The following PACS1 variants were observed in gnomAD, a reference collection of about 807,000 sequenced individuals.
PACS1 encodes PACS-1.
PACS1 carries 24 observed loss-of-function variants against 115.0 expected under a neutral mutation model. The ratio of observed to expected loss-of-function variants is 0.21; its 90% CI spans 0.15 to 0.29. PACS1 has a LOEUF of 0.29. Ranked by LOEUF, PACS1 falls within the 10% of genes least tolerant of loss-of-function variation. The pLI, the probability that PACS1 is intolerant of heterozygous loss-of-function variation, is 1.00. For synonymous variants in PACS1, 453 were observed against 504.5 expected (o/e 0.90, Z 1.37); for missense variants, 838 against 1,251.2 (o/e 0.67, Z 4.98).
At chr11:66,218,290 C>G (rs1238629323) in intron 7 of PACS1, 1 of 152,204 alleles carries the variant, frequency 6.6e-6, no homozygotes, top group Non-Finnish European at 1.5e-5. Flanking sequence ...CATACAACCA[C>G]AGGCTAAGCA....
chr11:66,202,327 A>G (rs1238439107), intron 2 of PACS1, among the ~76,000 whole-genome samples: 1 of 152,200 alleles, frequency 6.6e-6, no homozygotes, highest in Non-Finnish European at 1.5e-5. Context: ...GTTTCAAAAA[A>G]TAGAGAATAA....
At chr11:66,210,310 A>T in intron 2 of PACS1, 52 bp from the exon 3 acceptor site, 1 of 1,408,208 alleles carries the variant, frequency 7.1e-7, no homozygotes, top group Non-Finnish European at 1.0e-6. Context: ...TGCTGGGATT[A>T]CTGGCACAAG....
At chr11:66,134,917 A>G (rs916879072) in intron 1 of PACS1, among the ~76,000 whole-genome samples, 1 of 152,082 alleles carries the variant, frequency 6.6e-6, no homozygotes, top group African/African-American at 2.4e-5. Flanking sequence ...TACCTCAAAA[A>G]TATCTTATTT....
intron 1 of PACS1, among the ~76,000 whole-genome samples, chr11:66,129,558 C>T (rs1484433586): frequency 6.6e-6 from 1 of 151,626 alleles, no homozygotes; most frequent in Non-Finnish European, 1.5e-5. Context: ...GTGATCCACC[C>T]TCAGCCTCCC....
At chr11:66,123,189 C>CT (rs36008667) in intron 1 of PACS1, among the ~76,000 whole-genome samples, 126,497 of 137,810 alleles carry the variant, frequency 0.92, 58,316 homozygotes, top group South Asian at 0.98. Context: ...AAATTGTTAG[C>CT]TTTTTTTTTT....
intron 1 of PACS1, among the ~76,000 whole-genome samples, chr11:66,092,919 C>A (rs530317749): frequency 6.6e-6 from 1 of 152,242 alleles, no homozygotes; most frequent in East Asian, 1.9e-4. Context: ...GTTACTGTAG[C>A]CTTATAGTAT....
chr11:66,191,433 G>T (rs573017089), intron 1 of PACS1, among the ~76,000 whole-genome samples: 1 of 152,150 alleles, frequency 6.6e-6, no homozygotes, highest in Admixed American at 6.5e-5. Flanking sequence ...TCTGGGTGGT[G>T]GGGGCTGGGT....
chr11:66,207,598 C>T (rs1227113730), intron 2 of PACS1, among the ~76,000 whole-genome samples: 1 of 152,150 alleles, frequency 6.6e-6, no homozygotes, highest in Non-Finnish European at 1.5e-5. Flanking sequence ...TTGATGCATT[C>T]GGTCTTCAGT....
At chr11:66,215,905 T>TAATAATAAA (rs968033536) in intron 4 of PACS1, among the ~76,000 whole-genome samples, 19 of 15,416 alleles carry the variant, frequency 1.2e-3, no homozygotes, top group Non-Finnish European at 3.8e-3. Flanking sequence ...GTCTCAAAAA[T>TAATAATAAA]AATAATAATA....
At chr11:66,113,960 G>C (rs1289004223) in intron 1 of PACS1, among the ~76,000 whole-genome samples, 11 of 152,114 alleles carry the variant, frequency 7.2e-5, no homozygotes. Context: ...AAGCTCTTTT[G>C]CATCTCTCCA....
In PACS1 at chr11:66,210,275, G is replaced by A. The variant is rs547145845; in HGVS notation, c.445-87G>A. 104 of 969,536 alleles carry A rather than the reference G, an allele frequency of 1.1e-4. No homozygotes were observed. In the African/African-American group the frequency reaches 1.4e-3, roughly 13 times the overall value. 60.1% of individuals were successfully genotyped at this position (969,536 alleles called of 1,614,324 possible). ...GGTCTCAAACTCCTGAGTCCAAGCA[G>A]TCCTTCTGCCTCAGCCTCCCAAACT... is the stretch of plus-strand genomic sequence containing the variant. On this transcript the variant is annotated intron_variant, in intron 2 of 23. Coordinates refer to ENST00000320580, the MANE Select transcript of PACS1 (RefSeq NM_018026.4).
At chr11:66,155,860 T>G (rs1859339528) in intron 1 of PACS1, among the ~76,000 whole-genome samples, 1 of 152,038 alleles carries the variant, frequency 6.6e-6, no homozygotes, top group Admixed American at 6.6e-5. Flanking sequence ...AACTGTGCTG[T>G]CCCAGTCCAA....
intron 1 of PACS1, among the ~76,000 whole-genome samples, chr11:66,086,761 A>G (rs1857576864): frequency 6.6e-6 from 1 of 152,024 alleles, no homozygotes; most frequent in Non-Finnish European, 1.5e-5. Flanking sequence ...GATTACAGGC[A>G]CACACCACCA....
At chr11:66,079,857 C>G (rs896954544) in intron 1 of PACS1, among the ~76,000 whole-genome samples, 4 of 152,200 alleles carry the variant, frequency 2.6e-5, no homozygotes, top group African/African-American at 9.7e-5. Flanking sequence ...CCTTTGCGTT[C>G]TCCCCTTGTT....
chr11:66,224,306 T>C lies in PACS1; in HGVS notation c.1293+3059T>C, dbSNP rs117119751. ...TTGGGACAGGGTAGAGCTTCTGAGT[T>C]TGAGTCTTGACTCCACCACTCCACT... On this transcript the variant is annotated intron_variant, in intron 10 of 23. Transcript: ENST00000320580. Among the ~76,000 whole-genome samples the C allele has an allele frequency of 1.3e-3, 205 of 152,234 alleles. 4 individuals are homozygous for C. In the East Asian group the frequency reaches 0.035, roughly 26 times the overall value.
chr11:66,140,971 G>T (rs903003060), intron 1 of PACS1, among the ~76,000 whole-genome samples: 3 of 151,950 alleles, frequency 2.0e-5, no homozygotes, highest in African/African-American at 7.3e-5. Context: ...ACATATCGTG[G>T]TATCTTATTG....
Position 66,070,534 on chromosome 11 carries a change from C to A in PACS1, c.48C>A (p.Gly16=). Residue 16 remains glycine (G), a synonymous_variant, in exon 1 of 24, where the codon GGC becomes GGA. Coordinates refer to ENST00000320580, the MANE Select transcript of PACS1 (RefSeq NM_018026.4). This position sits in a 1 kb window ranked among gnomAD's most constrained non-coding sequence, Gnocchi z 5.9. ...GAGGGPGGAG[G]GSGQRGSGVA... ...GCGGTGGTCCCGGAGGCGCCGGGGG[C>A]GGCAGCGGCCAGCGGGGATCCGGGG... 4.5e-6 allele frequency: 6 copies of A among 1,333,596 alleles called. No individual in the cohort carries two copies. In the South Asian group the frequency reaches 1.2e-4, roughly 27 times the overall value. The allele number at this position is 1,333,596 out of a possible 1,614,324, so 82.6% of individuals were successfully genotyped here.
intron 1 of PACS1, among the ~76,000 whole-genome samples, chr11:66,177,197 G>A (rs1023001598): frequency 1.3e-5 from 2 of 152,186 alleles, no homozygotes; most frequent in Non-Finnish European, 2.9e-5. Context: ...TGTTCTGAGA[G>A]GAGAAATTTG....
At chr11:66,160,884 G>A (rs183259764) in intron 1 of PACS1, among the ~76,000 whole-genome samples, 4 of 151,884 alleles carry the variant, frequency 2.6e-5, no homozygotes, top group African/African-American at 9.7e-5. Flanking sequence ...TTAGCATCTG[G>A]GCACATCCTC....
Sources: gnomAD v4.1 joint callset for allele counts (sites outside exome capture counted in the v4.1 genomes callset) on GRCh38, gnomAD v4.1.1 for gene constraint, Gnocchi (gnomAD v3.1) non-coding constraint, MANE v1.5 for transcripts, NCBI Gene and HGNC (gene_info 2026-07-23, HGNC 2026-07-21) for gene names.